PICALM: variants seen among roughly 807,000 people sequenced by gnomAD.
The protein encoded by PICALM is phosphatidylinositol-binding clathrin assembly protein.
PICALM carries 40 observed loss-of-function variants against 80.5 expected under a neutral mutation model. The ratio of observed to expected loss-of-function variants is 0.50; its 90% CI spans 0.39 to 0.65. PICALM has a LOEUF of 0.65. PICALM is among the 30% of genes least tolerant of loss of function. The probability of loss-of-function intolerance (pLI) is 0.00; values close to 1 mark genes in which losing one functional copy is unlikely to be tolerated. For missense variants in PICALM, 676 were observed against 778.9 expected (o/e 0.87, Z 1.57); for synonymous variants, 288 against 260.3 (o/e 1.11, Z -1.02).
chr11:85,981,409 C>A (rs762778093), intron 16 of PICALM, among the ~76,000 whole-genome samples, 181 bp from the exon 17 acceptor site: 2 of 152,166 alleles, frequency 1.3e-5, no homozygotes, highest in Non-Finnish European at 2.9e-5. Flanking sequence ...AGATTGAGAC[C>A]AACCTGGCTA....
chr11:86,031,930 T>C (rs1234520325), intron 1 of PICALM, among the ~76,000 whole-genome samples: 2 of 152,212 alleles, frequency 1.3e-5, no homozygotes, highest in African/African-American at 4.8e-5. Flanking sequence ...TCTATTTCCT[T>C]ACTACTTAAA....
At chr11:85,969,172 C>T (rs977313923) in intron 19 of PICALM, among the ~76,000 whole-genome samples, 1 of 152,084 alleles carries the variant, frequency 6.6e-6, no homozygotes, top group Non-Finnish European at 1.5e-5. Context: ...TTAGAGTAAC[C>T]TAGATAAAAT....
chr11:86,007,727 T>G (rs2095307707), intron 7 of PICALM, 144 bp from the exon 8 acceptor site: 1 of 311,490 alleles, frequency 3.2e-6, no homozygotes, highest in Non-Finnish European at 5.9e-6. Flanking sequence ...CCAAAAATAC[T>G]CAACATTTCC....
chr11:85,986,365 A>ATTTTTTTTTTT lies in PICALM; in HGVS notation c.1409-2403_1409-2393dup, dbSNP rs775072780. On this transcript the variant is annotated intron_variant, in intron 13 of 19. Transcript: ENST00000393346. ...AAACTATCAGGACTGCCAACTTTTAATTTTTTTTTTTTTTTTTTTTTTTTT... is the reference window on the plus strand; with the variant it reads ...AAACTATCAGGACTGCCAACTTTTAATTTTTTTTTTTTTTTTTTTTTTTTTTTTTTTTTTTT... 1.3e-3 allele frequency among the ~76,000 whole-genome samples: 97 copies of ATTTTTTTTTTT among 73,748 alleles called. 13 individuals are homozygous for ATTTTTTTTTTT. Among genetic ancestry groups the ATTTTTTTTTTT allele is most frequent in the South Asian group, 1.8e-3 (3 of 1,624 alleles). The allele number at this position is 73,748 out of a possible 152,430, so 48.4% of individuals were successfully genotyped here.
At chr11:85,997,064 G>C (rs1401268166) in intron 11 of PICALM, 135 bp from the exon 12 acceptor site, 2 of 541,972 alleles carry the variant, frequency 3.7e-6, no homozygotes, top group African/African-American at 3.9e-5. Flanking sequence ...TCTCAAAAGA[G>C]GAACAGTTTC....
In PICALM at chr11:85,982,066, A is replaced by C; in HGVS notation, c.1517-63T>G. Reference sequence around the variant, plus strand: ...AACTTTATGACGCTATGGTTTTCTAAAGGAGGTCTTTGCCTTTTCTCCTTG... The same window carrying C: ...AACTTTATGACGCTATGGTTTTCTACAGGAGGTCTTTGCCTTTTCTCCTTG... On this transcript the variant is annotated intron_variant, in intron 14 of 19. Transcript: ENST00000393346. 2.0e-6 allele frequency: 3 copies of C among 1,478,150 alleles called. No homozygotes were observed. In the East Asian group the frequency reaches 6.8e-5, roughly 34 times the overall value. The allele number at this position is 1,478,150 out of a possible 1,614,324, so 91.6% of individuals were successfully genotyped here.
At chr11:85,980,910 A>C (rs2094423517) in intron 17 of PICALM, among the ~76,000 whole-genome samples, 1 of 152,250 alleles carries the variant, frequency 6.6e-6, no homozygotes, top group African/African-American at 2.4e-5. Context: ...ATTTACTGGA[A>C]TATGTCTGGC....
chr11:86,014,526 A>G (rs1176308208), intron 5 of PICALM, among the ~76,000 whole-genome samples: 2 of 152,214 alleles, frequency 1.3e-5, no homozygotes, highest in Admixed American at 1.3e-4. Flanking sequence ...TAAATAGACA[A>G]AAGTAAAATA....
intron 1 of PICALM, among the ~76,000 whole-genome samples, chr11:86,056,248 A>C (rs554730906): frequency 6.7e-5 from 10 of 150,044 alleles, no homozygotes; most frequent in Non-Finnish European, 1.3e-4. Flanking sequence ...CAGAATGGGG[A>C]AAAAAATTAC....
At chr11:86,063,021 A>G (rs2096391922) in intron 1 of PICALM, among the ~76,000 whole-genome samples, 1 of 152,172 alleles carries the variant, frequency 6.6e-6, no homozygotes, top group Admixed American at 6.5e-5. Context: ...TTACTTCTTT[A>G]TTTTAAGTGA....
At chr11:86,035,751 T>C (rs1244840595) in intron 1 of PICALM, among the ~76,000 whole-genome samples, 1 of 147,914 alleles carries the variant, frequency 6.8e-6, no homozygotes, top group African/African-American at 2.5e-5. Flanking sequence ...GAGACCAGCC[T>C]GGCCAACATG....
intron 1 of PICALM, among the ~76,000 whole-genome samples, chr11:86,034,547 C>G (rs2095809665): frequency 6.6e-6 from 1 of 152,062 alleles, no homozygotes; most frequent in African/African-American, 2.4e-5. Context: ...CAATAAGTTA[C>G]CAAAATGAGG....
intron 1 of PICALM, among the ~76,000 whole-genome samples, chr11:86,046,786 T>C (rs1187647862): frequency 6.6e-6 from 1 of 152,200 alleles, no homozygotes; most frequent in Non-Finnish European, 1.5e-5. Context: ...TACAGGTACA[T>C]GCCAGCACAT....
intron 14 of PICALM, chr11:85,982,321 T>A (rs2094462989): frequency 4.6e-6 from 1 of 219,734 alleles, no homozygotes; most frequent in African/African-American, 2.3e-5. Context: ...CCAGCAAAAT[T>A]TTCTGAAGAC....
rs554782173 is a variant in PICALM at position 86,068,404 on chromosome 11, G to A, written c.130+247C>T. 3.9e-5 allele frequency among the ~76,000 whole-genome samples: 6 copies of A among 152,304 alleles called. No homozygotes were observed. In the South Asian group the frequency reaches 1.2e-3, roughly 32 times the overall value. ...GGGGTGTGGTAGCGCACCGGGCAGG[G>A]AGACGAGGGTCCCCTAGGAATAGGG... On this transcript the variant is annotated intron_variant, in intron 1 of 19. Coordinates refer to ENST00000393346, the MANE Select transcript of PICALM (RefSeq NM_007166.4).
rs1281201205 is a variant in PICALM at position 85,959,076 on chromosome 11, G to A, written c.1945-16C>T. 1.3e-6 allele frequency: 2 copies of A among 1,554,258 alleles called. No individual in the cohort carries two copies. The highest frequency in any genetic ancestry group is 2.2e-5 in the East Asian group (1 of 44,472). On this transcript the variant is annotated splice_polypyrimidine_tract_variant and intron_variant, in intron 19 of 19. Transcript: ENST00000393346. ...TAAACTGTATCTGGAAAAAAAAAGT[G>A]GGTATGTTAATTCATTGTATTGTAG...
chr11:86,061,351 A>AG (rs1421908209), intron 1 of PICALM, among the ~76,000 whole-genome samples: 37 of 144,956 alleles, frequency 2.6e-4, no homozygotes, highest in African/African-American at 7.4e-4. Flanking sequence ...AAAAAAAAAA[A>AG]AAAAGAAAAG....
Position 85,957,706 on chromosome 11 carries a change from T to C in PICALM, c.*1340A>G, listed in dbSNP as rs1018517113. 1 of 204,154 alleles carries C rather than the reference T, an allele frequency of 4.9e-6. No homozygotes were observed. The highest frequency in any genetic ancestry group is 1.0e-5 in the Non-Finnish European group (1 of 99,326). The allele number at this position is 204,154 out of a possible 1,614,324, so 12.6% of individuals were successfully genotyped here. On this transcript the variant is annotated 3_prime_UTR_variant, in exon 20 of 20. Coordinates refer to ENST00000393346, the MANE Select transcript of PICALM (RefSeq NM_007166.4). ...AACTTTTGTGGAAGCTGCATTTTAT[T>C]TGAAAATCCACCCATTTTGCTAACA...
At chr11:85,972,426 T>G (rs2094140246) in intron 19 of PICALM, among the ~76,000 whole-genome samples, 1 of 152,218 alleles carries the variant, frequency 6.6e-6, no homozygotes, top group African/African-American at 2.4e-5. Context: ...TTTCACCATT[T>G]AATTAGTTGA....
Sources: allele counts gnomAD v4.1 joint callset (sites outside exome capture counted in the v4.1 genomes callset), GRCh38; gene constraint gnomAD v4.1.1; transcripts MANE v1.5; gene names NCBI Gene and HGNC (gene_info 2026-07-23, HGNC 2026-07-21).